Variants in ZNF804B observed in about 807,000 individuals in gnomAD.
ZNF804B encodes zinc finger protein 804B.
Under a neutral mutation model 101.4 loss-of-function variants are expected in ZNF804B, and 80 were observed. That is an observed-to-expected ratio of 0.79 (90% confidence interval 0.66 to 0.95). The LOEUF (loss-of-function observed/expected upper bound fraction) is 0.95. Among genes scored for constraint, ZNF804B ranks in the 40% least tolerant of loss-of-function variants. The pLI is 0.00. For missense variants in ZNF804B, 1,673 were observed against 1,561.9 expected (o/e 1.07, Z -1.20); for synonymous variants, 622 against 558.8 (o/e 1.11, Z -1.59).
chr7:89,192,263 CTTCT>C (rs1390422958), intron 1 of ZNF804B, among the ~76,000 whole-genome samples: 1 of 151,784 alleles, frequency 6.6e-6, no homozygotes, highest in Non-Finnish European at 1.5e-5. Flanking sequence ...AAATTCCTTC[CTTCT>C]CTCTTTTCAC....
chr7:88,975,499 CATT>C (rs1196314366), intron 1 of ZNF804B, among the ~76,000 whole-genome samples: 2 of 151,342 alleles, frequency 1.3e-5, no homozygotes, highest in Non-Finnish European at 3.0e-5. Flanking sequence ...GAAAGTATCT[CATT>C]GTTGTTTTGA....
intron 1 of ZNF804B, among the ~76,000 whole-genome samples, chr7:88,875,697 C>A (rs560688644): frequency 1.7e-4 from 26 of 152,094 alleles, no homozygotes; most frequent in African/African-American, 6.0e-4. Context: ...GAGTCCAGGA[C>A]CAGATGGATT....
chr7:88,800,626 T>C (rs1443955012), intron 1 of ZNF804B, among the ~76,000 whole-genome samples: 1 of 151,462 alleles, frequency 6.6e-6, no homozygotes, highest in Non-Finnish European at 1.5e-5. Flanking sequence ...AGCACAAAAT[T>C]TGGAAACATT....
intron 1 of ZNF804B, among the ~76,000 whole-genome samples, chr7:88,926,203 G>A (rs1376030883): frequency 2.0e-5 from 3 of 152,042 alleles, no homozygotes; most frequent in African/African-American, 7.2e-5. Context: ...CACATCTTAC[G>A]GAAAAAGGTA....
At chr7:89,050,970 T>C (rs1374892567) in intron 1 of ZNF804B, among the ~76,000 whole-genome samples, 1 of 144,334 alleles carries the variant, frequency 6.9e-6, no homozygotes, top group Admixed American at 7.1e-5. Flanking sequence ...AACCTCGTTT[T>C]ATGAGTTTGT....
chr7:88,850,604 C>T (rs1428110278), intron 1 of ZNF804B, among the ~76,000 whole-genome samples: 8 of 152,004 alleles, frequency 5.3e-5, no homozygotes, highest in Admixed American at 2.6e-4. Flanking sequence ...AAAATTTACC[C>T]TAGACAAAAT....
chr7:88,994,030 A>G (rs926034432), intron 1 of ZNF804B, among the ~76,000 whole-genome samples: 1 of 152,070 alleles, frequency 6.6e-6, no homozygotes, highest in Non-Finnish European at 1.5e-5. Context: ...GTATTTTTCT[A>G]TGTTATTACA....
chr7:88,978,347 G>T (rs1304193277), intron 1 of ZNF804B, among the ~76,000 whole-genome samples: 1 of 151,632 alleles, frequency 6.6e-6, no homozygotes, highest in Admixed American at 6.6e-5. Flanking sequence ...TATTGTACTG[G>T]GGTTTACCTC....
At chr7:88,991,877 A>T (rs1047164049) in intron 1 of ZNF804B, among the ~76,000 whole-genome samples, 3 of 152,174 alleles carry the variant, frequency 2.0e-5, no homozygotes, top group Non-Finnish European at 4.4e-5. Context: ...CAATGGCCTG[A>T]AACATAGAGC....
intron 1 of ZNF804B, among the ~76,000 whole-genome samples, chr7:88,839,927 T>G (rs1319327526): frequency 6.6e-6 from 1 of 152,168 alleles, no homozygotes; most frequent in African/African-American, 2.4e-5. Context: ...TAACTGGGAC[T>G]ATTTTTAGTT....
intron 1 of ZNF804B, among the ~76,000 whole-genome samples, chr7:89,085,007 C>T (rs1156918211): frequency 1.3e-5 from 2 of 151,666 alleles, no homozygotes; most frequent in East Asian, 3.9e-4. Context: ...AAAAATTGCC[C>T]TGTAGCTCTT....
At chr7:88,854,326 A>T (rs1791496154) in intron 1 of ZNF804B, among the ~76,000 whole-genome samples, 1 of 152,110 alleles carries the variant, frequency 6.6e-6, no homozygotes, top group African/African-American at 2.4e-5. Context: ...GCAAATTCAA[A>T]CCACCAAGTT....
intron 2 of ZNF804B, among the ~76,000 whole-genome samples, chr7:89,324,940 A>C (rs1047258627): frequency 1.3e-5 from 2 of 151,688 alleles, no homozygotes; most frequent in Non-Finnish European, 2.9e-5. Context: ...TTTTAAAGCA[A>C]CTCCAAAGTA....
intron 1 of ZNF804B, among the ~76,000 whole-genome samples, chr7:88,773,676 G>T (rs970256384): frequency 2.0e-5 from 3 of 152,072 alleles, no homozygotes; most frequent in African/African-American, 7.2e-5. Flanking sequence ...TCACGGTTCT[G>T]CAGGCTTTAC....
intron 1 of ZNF804B, among the ~76,000 whole-genome samples, chr7:89,150,551 T>A (rs1009472942): frequency 6.6e-6 from 1 of 152,158 alleles, no homozygotes; most frequent in African/African-American, 2.4e-5. Flanking sequence ...CTGTCTGCAT[T>A]CCATTTCATC....
chr7:89,031,187 G>GTA (rs887453933), intron 1 of ZNF804B, among the ~76,000 whole-genome samples: 164 of 120,550 alleles, frequency 1.4e-3, no homozygotes, highest in East Asian at 6.2e-3. Context: ...ATATATATGT[G>GTA]TATATATATA....
intron 1 of ZNF804B, among the ~76,000 whole-genome samples, chr7:89,100,651 A>G (rs1790041358): frequency 6.6e-6 from 1 of 152,124 alleles, no homozygotes; most frequent in African/African-American, 2.4e-5. Context: ...ATATGGGTAA[A>G]AGACCTAAAT....
chr7:89,259,611 C>A (rs565480460), intron 2 of ZNF804B, among the ~76,000 whole-genome samples: 1 of 152,212 alleles, frequency 6.6e-6, no homozygotes, highest in South Asian at 2.1e-4. Flanking sequence ...GTCCTAATGA[C>A]CCCCTGATTT....
At chr7:89,225,396 T>A (rs1223034752) in intron 2 of ZNF804B, among the ~76,000 whole-genome samples, 2 of 152,058 alleles carry the variant, frequency 1.3e-5, no homozygotes, top group African/African-American at 4.8e-5. Context: ...AGAAAAAAAA[T>A]TACTTTTTAA....
Sources: gnomAD v4.1 joint callset for allele counts (sites outside exome capture counted in the v4.1 genomes callset) on GRCh38, gnomAD v4.1.1 for gene constraint, MANE v1.5 for transcripts, NCBI Gene and HGNC (gene_info 2026-07-23, HGNC 2026-07-21) for gene names.